The following NAA35 variants were observed in gnomAD, a reference collection of about 807,000 sequenced individuals.
NAA35 encodes the protein MAK10 homolog, amino-acid N-acetyltransferase subunit.
Under a neutral mutation model 101.7 loss-of-function variants are expected in NAA35, and 18 were observed. That is an observed-to-expected ratio of 0.18 (90% CI 0.12 to 0.26). NAA35 has a LOEUF of 0.26. Among genes scored for constraint, NAA35 ranks in the 10% least tolerant of loss-of-function variants. The pLI is 1.00. For synonymous variants in NAA35, 267 were observed against 273.1 expected (o/e 0.98, Z 0.22); for missense variants, 601 against 886.8 (o/e 0.68, Z 4.09).
chr9:85,971,370 C>T (rs1829992241), intron 6 of NAA35, among the ~76,000 whole-genome samples: 1 of 152,124 alleles, frequency 6.6e-6, no homozygotes, highest in South Asian at 2.1e-4. Context: ...TCTTTGTCTT[C>T]TTAATACCAG....
chr9:85,952,218 C>T (rs1367157882), intron 2 of NAA35, among the ~76,000 whole-genome samples: 1 of 146,240 alleles, frequency 6.8e-6, no homozygotes, highest in African/African-American at 2.5e-5. Context: ...TAACCATAGT[C>T]TGTTGATTGT....
intron 2 of NAA35, among the ~76,000 whole-genome samples, chr9:85,955,353 TATATATA>T (rs1317776997): frequency 4.0e-4 from 29 of 71,900 alleles, no homozygotes; most frequent in East Asian, 5.9e-4. Context: ...TATATATATA[TATATATA>T]TTTTTTTTTT....
intron 2 of NAA35, among the ~76,000 whole-genome samples, chr9:85,955,645 G>A (rs951524757): frequency 6.6e-6 from 1 of 152,084 alleles, no homozygotes; most frequent in Non-Finnish European, 1.5e-5. Flanking sequence ...TTACAGGCGT[G>A]AGCCACCTGG....
At chr9:85,982,402 A>G (rs1227345971) in intron 11 of NAA35, among the ~76,000 whole-genome samples, 1 of 152,278 alleles carries the variant, frequency 6.6e-6, no homozygotes, top group East Asian at 1.9e-4. Context: ...TGAATTTTAC[A>G]GTTCTTTTTA....
chr9:85,996,343 C>T, intron 11 of NAA35, 56 bp from the exon 12 acceptor site: 1 of 1,147,676 alleles, frequency 8.7e-7, no homozygotes, highest in East Asian at 2.5e-5. Flanking sequence ...ATAACATTTG[C>T]AGTTTAAAAT....
rs1433122360 is a variant in NAA35 at position 86,014,304 on chromosome 9, CTG to C, written c.1568+409_1568+410del. On this transcript the variant is annotated intron_variant, in intron 17 of 22. Coordinates refer to ENST00000361671, the MANE Select transcript of NAA35 (RefSeq NM_024635.4). ...ACCAAGGTGATCACTGGGAGCATAA[CTG>C]TTTCAAACCGTGGTGCTGAGGATTC... The C allele has an allele frequency of 3.7e-6, 3 of 804,100 alleles. No individual in the cohort carries two copies. The African/African-American group carries it at 5.6e-5, about 15-fold the overall frequency. 49.8% of individuals were successfully genotyped at this position (804,100 alleles called of 1,614,324 possible). A position where few individuals can be genotyped will look rare whatever the true frequency, so the allele number is the denominator to read the frequency against.
intron 11 of NAA35, chr9:85,986,390 G>T: frequency 2.1e-6 from 1 of 469,462 alleles, no homozygotes. Flanking sequence ...GGACAGAAGT[G>T]TGTGCAGGCA....
At chr9:85,980,107 A>C (rs1255822523) in intron 11 of NAA35, among the ~76,000 whole-genome samples, 1 of 152,182 alleles carries the variant, frequency 6.6e-6, no homozygotes, top group Non-Finnish European at 1.5e-5. Flanking sequence ...TGTGGAGGCT[A>C]TAGGATGTGA....
chr9:85,989,174 A>G (rs1423579772), intron 11 of NAA35, among the ~76,000 whole-genome samples: 2 of 152,156 alleles, frequency 1.3e-5, no homozygotes, highest in Non-Finnish European at 2.9e-5. Flanking sequence ...AAAGTCCTCA[A>G]GTAAAGAACT....
intron 11 of NAA35, among the ~76,000 whole-genome samples, chr9:85,984,332 A>C (rs1026418623): frequency 6.6e-6 from 1 of 151,892 alleles, no homozygotes; most frequent in African/African-American, 2.4e-5. Context: ...CTGTCTTTTT[A>C]AAACAAACAA....
chr9:85,983,031 G>T (rs1161887081), intron 11 of NAA35, among the ~76,000 whole-genome samples: 3 of 152,158 alleles, frequency 2.0e-5, no homozygotes, highest in Admixed American at 6.5e-5. Context: ...GAAAACATGA[G>T]AACTGGTTGA....
intron 13 of NAA35, among the ~76,000 whole-genome samples, chr9:86,006,546 T>C (rs925384649): frequency 4.6e-5 from 7 of 152,166 alleles, no homozygotes; most frequent in East Asian, 1.9e-4. Context: ...GAAGCTGGAC[T>C]CAAAAGGCTA....
Position 85,942,219 on chromosome 9 carries a change from A to C in NAA35, c.60A>C (p.Glu20Asp). ...CAGGATGGGAGCTCAGTATGCCAGA[A>C]AAAATGGAGAAAAGCAATACAAACT... ...DDSGWELSMP[E>D]KMEKSNTNWV... Residue 20 changes from glutamate to aspartate, a missense_variant, in exon 2 of 23, where the codon GAA becomes GAC. Physicochemically the swap from Glu to Asp is conservative, Grantham distance 45. Transcript: ENST00000361671. The C allele has an allele frequency of 1.2e-6, 2 of 1,614,204 alleles. No individual in the cohort carries two copies. The highest frequency in any genetic ancestry group is 1.7e-5 in the Admixed American group (1 of 60,032).
chr9:85,976,048 C>A (rs1830195597), intron 8 of NAA35, among the ~76,000 whole-genome samples: 2 of 151,998 alleles, frequency 1.3e-5, no homozygotes, highest in Non-Finnish European at 2.9e-5. Context: ...GTGAATTGAG[C>A]AGTTAGACAC....
At chr9:85,980,689 C>G (rs1174305525) in intron 11 of NAA35, among the ~76,000 whole-genome samples, 1 of 152,152 alleles carries the variant, frequency 6.6e-6, no homozygotes, top group Non-Finnish European at 1.5e-5. Flanking sequence ...ATTGTTGGCA[C>G]TCAGATTTTA....
At chr9:86,019,351 C>G (rs1435353469) in intron 21 of NAA35, among the ~76,000 whole-genome samples, 1 of 152,158 alleles carries the variant, frequency 6.6e-6, no homozygotes, top group Non-Finnish European at 1.5e-5. Flanking sequence ...ATCCCAGCTA[C>G]TGGGGAGGCT....
chr9:85,965,647 G>C (rs1829711735), intron 6 of NAA35, among the ~76,000 whole-genome samples: 1 of 151,786 alleles, frequency 6.6e-6, no homozygotes, highest in South Asian at 2.1e-4. Context: ...GTATTTTACT[G>C]CCTTTAAGAT....
Position 85,976,750 on chromosome 9 carries a change from T to A in NAA35, c.678+15T>A. ...TTGAACTAGAAGTAATTGAACTTAT[T>A]TTCTGGTAGATAATATCAGAGAAGT... is the stretch of plus-strand genomic sequence containing the variant. On this transcript the variant is annotated intron_variant, in intron 9 of 22. Transcript: ENST00000361671. 6.3e-7 allele frequency: 1 copy of A among 1,575,942 alleles called. No homozygotes were observed. Among genetic ancestry groups the A allele is most frequent in the Non-Finnish European group, 8.6e-7 (1 of 1,157,668 alleles).
chr9:85,997,891 GTA>G (rs1256865217), intron 12 of NAA35, among the ~76,000 whole-genome samples: 32 of 151,968 alleles, frequency 2.1e-4, no homozygotes, highest in African/African-American at 4.8e-5. Flanking sequence ...ATATATTTAT[GTA>G]TGTGTGTGTG....
Sources: allele counts gnomAD v4.1 joint callset (sites outside exome capture counted in the v4.1 genomes callset), GRCh38; gene constraint gnomAD v4.1.1; transcripts MANE v1.5; gene names NCBI Gene and HGNC (gene_info 2026-07-23, HGNC 2026-07-21).